The following PRELID2 variants were observed in gnomAD, a reference collection of about 807,000 sequenced individuals.
The protein encoded by PRELID2 is PRELI domain-containing protein 2.
PRELID2 carries 25 observed loss-of-function variants against 28.4 expected under a neutral mutation model. The ratio of observed to expected loss-of-function variants is 0.88; its 90% CI spans 0.64 to 1.23. The LOEUF is 1.23. PRELID2 is among the 50% of genes most tolerant of loss of function. The pLI, the probability that PRELID2 is intolerant of heterozygous loss-of-function variation, is 0.00. For synonymous variants in PRELID2, 76 were observed against 71.6 expected (o/e 1.06, Z -0.31); for missense variants, 201 against 214.4 (o/e 0.94, Z 0.39).
the PRELID2 span, among the ~76,000 whole-genome samples, chr5:145,451,692 CA>C: frequency 6.6e-6 from 1 of 152,090 alleles, no homozygotes; most frequent in Non-Finnish European, 1.5e-5. Flanking sequence ...GGGTTTGATA[CA>C]ATAGAATTTC....
chr5:145,629,614 C>T (rs550990599), intron 1 of PRELID2, among the ~76,000 whole-genome samples: 5 of 152,184 alleles, frequency 3.3e-5, no homozygotes, highest in African/African-American at 9.6e-5. Context: ...AGGCACTTTG[C>T]TAAATTCTTT....
At chr5:145,415,843 G>C in the PRELID2 span, among the ~76,000 whole-genome samples, 2 of 151,758 alleles carry the variant, frequency 1.3e-5, no homozygotes, top group Non-Finnish European at 2.9e-5. Context: ...CTAGATCCCT[G>C]AGGAATCGCC....
intron 1 of PRELID2, among the ~76,000 whole-genome samples, chr5:145,644,383 T>C (rs1001387851): frequency 6.6e-6 from 1 of 152,132 alleles, no homozygotes; most frequent in African/African-American, 2.4e-5. Flanking sequence ...TTTTATTGCA[T>C]CTATTTGATT....
At chr5:145,397,021 C>T in the PRELID2 span, among the ~76,000 whole-genome samples, 2 of 152,038 alleles carry the variant, frequency 1.3e-5, no homozygotes, top group African/African-American at 2.4e-5. Flanking sequence ...ATACTAAGGG[C>T]ACTGGGGAGC....
intron 1 of PRELID2, among the ~76,000 whole-genome samples, chr5:145,646,557 C>T (rs1264209399): frequency 1.3e-5 from 2 of 152,144 alleles, no homozygotes; most frequent in Non-Finnish European, 2.9e-5. Context: ...ATTCATTCTC[C>T]ATCCAGTTTT....
intron 1 of PRELID2, among the ~76,000 whole-genome samples, chr5:145,513,860 A>T (rs1248955915): frequency 6.6e-6 from 1 of 152,210 alleles, no homozygotes; most frequent in East Asian, 1.9e-4. Flanking sequence ...TGGAGAAAAG[A>T]ATTTTCAACC....
the PRELID2 span, among the ~76,000 whole-genome samples, chr5:145,464,800 GT>G: frequency 1.3e-5 from 2 of 152,142 alleles, no homozygotes; most frequent in Non-Finnish European, 2.9e-5. Flanking sequence ...GAATCAGCAT[GT>G]GTATTAGAAG....
chr5:145,531,077 C>CTA (rs146268957), intron 1 of PRELID2, among the ~76,000 whole-genome samples: 187 of 150,726 alleles, frequency 1.2e-3, no homozygotes, highest in African/African-American at 2.3e-3. Context: ...GTTTGAAAGT[C>CTA]TATATATATA....
the PRELID2 span, among the ~76,000 whole-genome samples, chr5:145,314,748 A>C: frequency 6.6e-6 from 1 of 151,954 alleles, no homozygotes; most frequent in Non-Finnish European, 1.5e-5. Context: ...AATTAAGGTC[A>C]AGTTTTCTAT....
the PRELID2 span, among the ~76,000 whole-genome samples, chr5:145,305,954 C>T: frequency 1.1e-4 from 17 of 152,094 alleles, 1 homozygote; most frequent in Admixed American, 1.1e-3. Flanking sequence ...AGGATTCTAC[C>T]GGTGGGAACA....
At chr5:145,302,658 A>G in the PRELID2 span, among the ~76,000 whole-genome samples, 2 of 151,958 alleles carry the variant, frequency 1.3e-5, no homozygotes, top group African/African-American at 4.8e-5. Flanking sequence ...ACATATATTA[A>G]TATATTAAGA....
the PRELID2 span, among the ~76,000 whole-genome samples, chr5:145,389,196 T>C: frequency 6.6e-6 from 1 of 152,160 alleles, no homozygotes; most frequent in African/African-American, 2.4e-5. Flanking sequence ...CCCCTACCGC[T>C]TGTAGCAAAG....
intron 1 of PRELID2, among the ~76,000 whole-genome samples, chr5:145,482,563 G>T (rs1230035675): frequency 6.6e-6 from 1 of 151,952 alleles, no homozygotes; most frequent in African/African-American, 2.4e-5. Flanking sequence ...AACTTTTTTG[G>T]CACCATGAAC....
intron 1 of PRELID2, among the ~76,000 whole-genome samples, chr5:145,546,160 TC>T (rs1417554247): frequency 6.6e-6 from 1 of 152,190 alleles, no homozygotes; most frequent in Non-Finnish European, 1.5e-5. Context: ...ATTATATTTA[TC>T]ATTTTTGAAG....
intron 1 of PRELID2, among the ~76,000 whole-genome samples, chr5:145,737,009 G>T (rs1756514178): frequency 6.6e-6 from 1 of 152,002 alleles, no homozygotes; most frequent in South Asian, 2.1e-4. Context: ...TTAGAGGGTG[G>T]TGAAGAAAAA....
the PRELID2 span, among the ~76,000 whole-genome samples, chr5:145,237,210 A>G: frequency 4.6e-4 from 70 of 152,294 alleles, 1 homozygote; most frequent in African/African-American, 1.7e-3. Flanking sequence ...CAGTCCCAAC[A>G]CATAATGTAA....
chr5:145,449,656 C>A, the PRELID2 span, among the ~76,000 whole-genome samples: 2 of 152,164 alleles, frequency 1.3e-5, no homozygotes, highest in African/African-American at 4.8e-5. Flanking sequence ...AGGGAACCAC[C>A]CTCTTCTACC....
intron 1 of PRELID2, among the ~76,000 whole-genome samples, chr5:145,567,760 C>T (rs761150412): frequency 6.6e-6 from 1 of 152,052 alleles, no homozygotes; most frequent in Non-Finnish European, 1.5e-5. Context: ...TCTTACTACC[C>T]CTTTGCCTTC....
chr5:145,335,667 A>T, the PRELID2 span, among the ~76,000 whole-genome samples: 1 of 152,234 alleles, frequency 6.6e-6, no homozygotes, highest in East Asian at 1.9e-4. Context: ...ATGGAAACCC[A>T]ACTACCAAAA....
Sources: allele counts gnomAD v4.1 joint callset (sites outside exome capture counted in the v4.1 genomes callset), GRCh38; gene constraint gnomAD v4.1.1; transcripts MANE v1.5; gene names NCBI Gene and HGNC (gene_info 2026-07-23, HGNC 2026-07-21).